Variants in FLVCR2 observed in about 807,000 individuals in gnomAD.
FLVCR2 encodes the protein choline/ethanolamine transporter FLVCR2.
A neutral mutation model predicts 48.9 loss-of-function variants in FLVCR2; 38 were observed. That is an observed-to-expected ratio of 0.78 (90% CI 0.60 to 1.02). FLVCR2 has a LOEUF of 1.02. Among genes scored for constraint, FLVCR2 ranks in the 50% least tolerant of loss-of-function variants. FLVCR2 has a pLI of 0.00. For synonymous variants in FLVCR2, 255 were observed against 257.0 expected (o/e 0.99, Z 0.07); for missense variants, 664 against 663.3 (o/e 1.00, Z -0.01).
rs200904933 is a variant in FLVCR2 at position 75,579,404 on chromosome 14, G to A, written c.432G>A (p.Leu144=). The A allele has an allele frequency of 1.1e-5, 17 of 1,613,972 alleles. No individual in the cohort carries two copies. The highest frequency in any genetic ancestry group is 1.6e-4 in the Middle Eastern group (1 of 6,084). ...CTCTGCTCCTGCCAGTGGCTTGGCT[G>A]CTGGAGAAGTTCGGCCTGCGCACCA... ...YIPLLLPVAW[L]LEKFGLRTIA... The change falls in exon 1 of 10, where the codon CTG becomes CTA. Residue 144 remains leucine (L), a synonymous_variant. Coordinates refer to ENST00000238667, the MANE Select transcript of FLVCR2 (RefSeq NM_017791.3).
chr14:75,594,690 TG>T (rs1351741239), intron 1 of FLVCR2, among the ~76,000 whole-genome samples: 1 of 151,118 alleles, frequency 6.6e-6, no homozygotes, highest in African/African-American at 2.4e-5. Flanking sequence ...CTCATAATAA[TG>T]AGTCCACTCC....
At chr14:75,585,432 G>A (rs1005261455) in intron 1 of FLVCR2, among the ~76,000 whole-genome samples, 3 of 152,204 alleles carry the variant, frequency 2.0e-5, no homozygotes, top group Non-Finnish European at 4.4e-5. Flanking sequence ...TAGGTCAGGT[G>A]TGAGTTGAAG....
chr14:75,621,630 T>C (rs1177996545), intron 1 of FLVCR2, among the ~76,000 whole-genome samples: 1 of 152,230 alleles, frequency 6.6e-6, no homozygotes, highest in Non-Finnish European at 1.5e-5. Flanking sequence ...TTCCAACTCT[T>C]ACTGAATGCA....
At chr14:75,592,710 C>T (rs1185475086) in intron 1 of FLVCR2, among the ~76,000 whole-genome samples, 7 of 152,052 alleles carry the variant, frequency 4.6e-5, no homozygotes, top group Non-Finnish European at 8.8e-5. Context: ...CTGCCTAGGC[C>T]GGGCATGGTG....
At chr14:75,621,177 G>A (rs1889754825) in intron 1 of FLVCR2, among the ~76,000 whole-genome samples, 1 of 152,092 alleles carries the variant, frequency 6.6e-6, no homozygotes, top group African/African-American at 2.4e-5. Context: ...ACTTTGGGAG[G>A]CCAAGACGGG....
At chr14:75,621,478 A>AT (rs1406711849) in intron 1 of FLVCR2, among the ~76,000 whole-genome samples, 1 of 151,918 alleles carries the variant, frequency 6.6e-6, no homozygotes. Flanking sequence ...GTTTATAGCC[A>AT]TTTTTTACGT....
rs1888795936 is a variant in FLVCR2, at chr14:75,588,165, TACCACAGACTGGGTAATTTGTAA to T, written c.669+8525_669+8547del. 2.6e-5 allele frequency among the ~76,000 whole-genome samples: 4 copies of T among 152,230 alleles called. No homozygotes were observed. In the South Asian group the frequency reaches 8.3e-4, roughly 32 times the overall value. ...TTTGTTTTATGCTGCTGTCACAGAA[TACCACAGACTGGGTAATTTGTAA>T]TGAACAGAAATTTATTTAGCTTACA... On this transcript the variant is annotated intron_variant, in intron 1 of 9. Coordinates refer to ENST00000238667, the MANE Select transcript of FLVCR2 (RefSeq NM_017791.3).
At chr14:75,592,835 A>G (rs901528419) in intron 1 of FLVCR2, among the ~76,000 whole-genome samples, 31 of 152,306 alleles carry the variant, frequency 2.0e-4, no homozygotes, top group African/African-American at 7.0e-4. Context: ...AAAAGAAAAA[A>G]AAAAAGAAAT....
intron 3 of FLVCR2, among the ~76,000 whole-genome samples, chr14:75,630,365 G>C (rs1397945160): frequency 6.6e-6 from 1 of 152,136 alleles, no homozygotes; most frequent in Admixed American, 6.5e-5. Flanking sequence ...TTTGTATCTT[G>C]AAGGCCATGT....
At chr14:75,629,805 G>A (rs536973642) in intron 3 of FLVCR2, among the ~76,000 whole-genome samples, 1 of 152,372 alleles carries the variant, frequency 6.6e-6, no homozygotes, top group African/African-American at 2.4e-5. Flanking sequence ...CTGCCAGCAA[G>A]ATTATTCATG....
In FLVCR2 at chr14:75,616,026, C is replaced by CAAAAAAAAAAAAAAAA. The variant is rs10629813; in HGVS notation, c.670-6046_670-6031dup. On this transcript the variant is annotated intron_variant, in intron 1 of 9. Transcript: ENST00000238667. ...TGGGTGACAGAGTGAGACTCCATCT[C>CAAAAAAAAAAAAAAAA]AAAAAAAAAAAAAAAAAAAAAATAG... is the stretch of plus-strand genomic sequence containing the variant. Among the ~76,000 whole-genome samples, 8 of 25,632 alleles carry CAAAAAAAAAAAAAAAA rather than the reference C, an allele frequency of 3.1e-4. 1 individual carries two copies. The highest frequency in any genetic ancestry group is 2.6e-3 in the South Asian group (1 of 382). 16.8% of individuals were successfully genotyped at this position (25,632 alleles called of 152,430 possible).
chr14:75,601,620 T>G (rs2084221587), intron 1 of FLVCR2, among the ~76,000 whole-genome samples: 1 of 152,104 alleles, frequency 6.6e-6, no homozygotes, highest in Admixed American at 6.5e-5. Flanking sequence ...GAAAACAACA[T>G]GAAGCACCTC....
chr14:75,594,589 C>G (rs1566784258), intron 1 of FLVCR2, among the ~76,000 whole-genome samples: 2 of 152,202 alleles, frequency 1.3e-5, no homozygotes, highest in Non-Finnish European at 2.9e-5. Context: ...CTGGTGAGGG[C>G]CTTCTTGCTG....
rs557826616 is a variant in FLVCR2, at chr14:75,637,802, G to C, written c.1125-1550G>C. Among the ~76,000 whole-genome samples, 3 of 152,122 alleles carry C rather than the reference G, an allele frequency of 2.0e-5. No individual in the cohort carries two copies. In the East Asian group the frequency reaches 5.8e-4, roughly 29 times the overall value. Reference sequence around the variant, plus strand: ...ATCTGAGTCCTGATGTTCATGGTAGGGGGGCAGAGGGATGTGCAGTGCCTA... The same window carrying C: ...ATCTGAGTCCTGATGTTCATGGTAGCGGGGCAGAGGGATGTGCAGTGCCTA... On this transcript the variant is annotated intron_variant, in intron 5 of 9. Transcript: ENST00000238667.
At chr14:75,600,356 A>G (rs1434963977) in intron 1 of FLVCR2, among the ~76,000 whole-genome samples, 1 of 152,234 alleles carries the variant, frequency 6.6e-6, no homozygotes, top group Non-Finnish European at 1.5e-5. Flanking sequence ...TGTTTAGCAT[A>G]TAATCAAGAA....
chr14:75,615,818 GACCATCCTGGCTAACACATGAA>G (rs1271718305), intron 1 of FLVCR2, among the ~76,000 whole-genome samples: 1 of 147,186 alleles, frequency 6.8e-6, no homozygotes, highest in African/African-American at 2.5e-5. Flanking sequence ...AGGAGATTGA[GACCATCCTGGCTAACACATGAA>G]ACCCTGTCTC....
At chr14:75,591,321 G>A (rs1489782619) in intron 1 of FLVCR2, among the ~76,000 whole-genome samples, 3 of 152,208 alleles carry the variant, frequency 2.0e-5, no homozygotes, top group African/African-American at 7.2e-5. Context: ...TGGATTACAG[G>A]CATGAGCCAC....
chr14:75,608,153 T>C (rs72723665), intron 1 of FLVCR2, among the ~76,000 whole-genome samples: 2,858 of 152,286 alleles, frequency 0.019, 40 homozygotes, highest in Middle Eastern at 0.048. Context: ...CCTGCCTGGA[T>C]TGGGGGCCAT....
At chr14:75,589,721 G>A (rs1218214384) in intron 1 of FLVCR2, among the ~76,000 whole-genome samples, 1 of 152,232 alleles carries the variant, frequency 6.6e-6, no homozygotes, top group Non-Finnish European at 1.5e-5. Context: ...CTAGATGGAA[G>A]CCACCATGGC....
Sources: allele counts gnomAD v4.1 joint callset (sites outside exome capture counted in the v4.1 genomes callset), GRCh38; gene constraint gnomAD v4.1.1; transcripts MANE v1.5; gene names NCBI Gene and HGNC (gene_info 2026-07-23, HGNC 2026-07-21).